ZNF333: variants seen among roughly 807,000 people sequenced by gnomAD.
The protein encoded by ZNF333 is zinc finger protein 333.
ZNF333 carries 61 observed loss-of-function variants against 76.1 expected under a neutral mutation model. The ratio of observed to expected loss-of-function variants is 0.80; its 90% CI spans 0.65 to 0.99. The LOEUF is 0.99. Ranked by LOEUF, ZNF333 falls within the 50% of genes least tolerant of loss-of-function variation. The probability of loss-of-function intolerance (pLI) is 0.00; values close to 1 mark genes in which losing one functional copy is unlikely to be tolerated. For synonymous variants in ZNF333, 284 were observed against 305.0 expected, an observed-to-expected ratio of 0.93 and a Z score of 0.72; for missense variants, 717 against 822.4, an observed-to-expected ratio of 0.87 and a Z score of 1.57.
intron 11 of ZNF333, among the ~76,000 whole-genome samples, chr19:14,730,079 G>A (rs535935279): frequency 1.3e-5 from 2 of 152,240 alleles, no homozygotes; most frequent in East Asian, 3.9e-4. Context: ...TTGAGATGGA[G>A]TCTCGCTCTG....
chr19:14,716,384 G>C, intron 9 of ZNF333, 146 bp downstream of exon 9: 1 of 888,596 alleles, frequency 1.1e-6, no homozygotes, highest in East Asian at 2.7e-5. Flanking sequence ...CCAGCCTCCC[G>C]AGTAGCTGGG....
intron 7 of ZNF333, chr19:14,707,969 A>C (rs2042164268): frequency 1.0e-5 from 4 of 400,672 alleles, no homozygotes; most frequent in Non-Finnish European, 1.8e-5. Context: ...ATTTTTGGTA[A>C]GTCTTCTGGG....
rs564485342 is a variant in ZNF333 at position 14,699,196 on chromosome 19, C to T, written c.224-3C>T. On this transcript the variant is annotated splice_polypyrimidine_tract_variant and splice_region_variant and intron_variant, in intron 4 of 11. Transcript: ENST00000292530. ...AGTTCATTTTTTCTCCCATTCATTTCAGCCTGGGAATCTCAACTTAAACCC... is the reference window on the plus strand; with the variant it reads ...AGTTCATTTTTTCTCCCATTCATTTTAGCCTGGGAATCTCAACTTAAACCC... 1.9e-6 allele frequency: 3 copies of T among 1,612,290 alleles called. No individual in the cohort carries two copies. The African/African-American group carries it at 4.0e-5, about 22-fold the overall frequency.
At chr19:14,729,130 CTT>C (rs1414900427) in intron 11 of ZNF333, among the ~76,000 whole-genome samples, 1 of 152,070 alleles carries the variant, frequency 6.6e-6, no homozygotes, top group Non-Finnish European at 1.5e-5. Context: ...TTTATAGTAA[CTT>C]GGGGCAGGGA....
chr19:14,698,899 G>GATATATAGAT (rs1555771041), intron 4 of ZNF333, among the ~76,000 whole-genome samples: 2 of 132,710 alleles, frequency 1.5e-5, no homozygotes, highest in African/African-American at 5.6e-5. Context: ...CACAAATATA[G>GATATATAGAT]ATATATATAT....
At position 14,719,645 on chromosome 19, in the gene ZNF333, T is replaced by C. The variant is rs980639155; in HGVS notation, c.*320T>C. On this transcript the variant is annotated 3_prime_UTR_variant, in exon 12 of 12. Coordinates refer to ENST00000292530, the MANE Select transcript of ZNF333 (RefSeq NM_032433.4). ...CCATTCCAGATATAGAATGTTTCTA[T>C]CTCTCTGGAAGGTTCCTGCATGTTA... 15 of 1,098,144 alleles carry C rather than the reference T, an allele frequency of 1.4e-5. No individual in the cohort carries two copies. In the East Asian group the frequency reaches 3.7e-4, roughly 27 times the overall value. The allele number at this position is 1,098,144 out of a possible 1,614,324, so 68.0% of individuals were successfully genotyped here. A position where few individuals can be genotyped will look rare whatever the true frequency, so the allele number is the denominator to read the frequency against.
intron 7 of ZNF333, among the ~76,000 whole-genome samples, chr19:14,709,673 C>A (rs572837202): frequency 6.6e-6 from 1 of 152,324 alleles, no homozygotes; most frequent in Non-Finnish European, 1.5e-5. Flanking sequence ...CATGCCCTTA[C>A]AAGAAGAGGA....
chr19:14,715,967 A>AGTT (rs1422474558), intron 8 of ZNF333, 145 bp from the exon 9 acceptor site: 2 of 1,341,846 alleles, frequency 1.5e-6, no homozygotes, highest in Non-Finnish European at 2.0e-6. Flanking sequence ...TCCTGAGCTA[A>AGTT]GGGCCAGATT....
rs1280512785 is a variant in ZNF333 at position 14,693,978 on chromosome 19, TCTAAAAAAAA to T, written c.3+485_3+494del. Among the ~76,000 whole-genome samples the T allele has an allele frequency of 6.9e-5, 5 of 72,410 alleles. 1 individual carries two copies. In the East Asian group the frequency reaches 3.0e-3, roughly 43 times the overall value. 47.5% of individuals were successfully genotyped at this position (72,410 alleles called of 152,430 possible). On this transcript the variant is annotated intron_variant, in intron 2 of 11. Coordinates refer to ENST00000292530, the MANE Select transcript of ZNF333 (RefSeq NM_032433.4). ...CTAAGCTACAGAGTAAAACCTTGTC[TCTAAAAAAAA>T]AAAAAAAAAAAAAAAAATTAAAAAG...
intron 4 of ZNF333, among the ~76,000 whole-genome samples, chr19:14,698,899 GAT>G (rs60299211): frequency 0.026 from 3,433 of 132,428 alleles, 51 homozygotes; most frequent in Non-Finnish European, 0.036. Flanking sequence ...CACAAATATA[GAT>G]ATATATATAT....
Position 14,693,447 on chromosome 19 carries a change from G to A in ZNF333, c.-41-4G>A. 1 of 1,590,552 alleles carries A rather than the reference G, an allele frequency of 6.3e-7. No individual in the cohort carries two copies. Among genetic ancestry groups the A allele is most frequent in the Non-Finnish European group, 8.6e-7 (1 of 1,163,190 alleles). ...CTTTTACCTCAGTGTCTCCTTTATT[G>A]CAGGGAGAACACCGACTGAGACCTC... is the stretch of plus-strand genomic sequence containing the variant. On this transcript the variant is annotated splice_polypyrimidine_tract_variant and splice_region_variant and intron_variant, in intron 1 of 11. Transcript: ENST00000292530.
chr19:14,698,945 T>A (rs1445723741), intron 4 of ZNF333, among the ~76,000 whole-genome samples: 1 of 146,168 alleles, frequency 6.8e-6, no homozygotes, highest in Non-Finnish European at 1.5e-5. Context: ...TACACACATA[T>A]ATATTTTCAA....
rs2042589175 is a variant in ZNF333, at chr19:14,721,655, AAAATTC to A, written c.*2331_*2336del. 6.6e-6 allele frequency: 1 copy of A among 152,218 alleles called. No individual in the cohort carries two copies. The highest frequency in any genetic ancestry group is 1.5e-5 in the Non-Finnish European group (1 of 68,036). The allele number at this position is 152,218 out of a possible 1,614,324, so 9.4% of individuals were successfully genotyped here. A position where few individuals can be genotyped will look rare whatever the true frequency, so the allele number is the denominator to read the frequency against. ...CATAGTCTGAATATACCACAATTTA[AAAATTC>A]TATTCTGTTTACAAACATTTGAGTT... On this transcript the variant is annotated 3_prime_UTR_variant, in exon 12 of 12. Transcript: ENST00000292530.
chr19:14,707,573 A>T, intron 7 of ZNF333, among the ~76,000 whole-genome samples: 1 of 113,052 alleles, frequency 8.8e-6, no homozygotes, highest in East Asian at 2.8e-4. Context: ...TTTTTTTGAG[A>T]CGGAGTCTCA....
chr19:14,723,065 T>C (rs893368136), downstream of ZNF333, among the ~76,000 whole-genome samples: 1 of 152,170 alleles, frequency 6.6e-6, no homozygotes, highest in Admixed American at 6.5e-5. Flanking sequence ...GGATTACAGG[T>C]GTGAGCCACC....
intron 4 of ZNF333, 87 bp downstream of exon 4, chr19:14,695,748 T>C (rs1317372794): frequency 1.7e-6 from 2 of 1,189,390 alleles, no homozygotes; most frequent in Non-Finnish European, 2.5e-6. Context: ...TCAAAGGCCC[T>C]TTGTTCTGAG....
Position 14,733,085 on chromosome 19 carries a change from A to G in ZNF333, c.*1899A>G, listed in dbSNP as rs565783635. The G allele has an allele frequency of 3.9e-5, 6 of 152,264 alleles. No homozygotes were observed. The South Asian group carries it at 1.2e-3, about 32-fold the overall frequency. The allele number at this position is 152,264 out of a possible 1,614,324, so 9.4% of individuals were successfully genotyped here. A position where few individuals can be genotyped will look rare whatever the true frequency, so the allele number is the denominator to read the frequency against. On this transcript the variant is annotated 3_prime_UTR_variant, in exon 12 of 12. Coordinates refer to the ZNF333 transcript ENST00000540689. ...ACTCTGATATTCCCCATCTCACCTTAGCAGTCTATATCAAGCAAAGGGCAC... is the reference window on the plus strand; with the variant it reads ...ACTCTGATATTCCCCATCTCACCTTGGCAGTCTATATCAAGCAAAGGGCAC...
At chr19:14,693,267 T>C (rs773212659) in intron 1 of ZNF333, among the ~76,000 whole-genome samples, 184 bp from the exon 2 acceptor site, 8 of 152,216 alleles carry the variant, frequency 5.3e-5, no homozygotes, top group Non-Finnish European at 1.2e-4. Context: ...TTTGATGACA[T>C]GGGAAGAGTC....
At chr19:14,730,232 T>G (rs1171235296) in intron 11 of ZNF333, among the ~76,000 whole-genome samples, 1 of 152,088 alleles carries the variant, frequency 6.6e-6, no homozygotes, top group Non-Finnish European at 1.5e-5. Context: ...TTTTTGTATT[T>G]TTAGTAGAGA....
Sources: gnomAD v4.1 joint callset for allele counts (sites outside exome capture counted in the v4.1 genomes callset) on GRCh38, gnomAD v4.1.1 for gene constraint, MANE v1.5 for transcripts, NCBI Gene and HGNC (gene_info 2026-07-23, HGNC 2026-07-21) for gene names.